Variants in NOVA1 observed in about 807,000 individuals in gnomAD.
The protein encoded by NOVA1 is RNA-binding protein Nova-1.
NOVA1 carries 7 observed loss-of-function variants against 38.0 expected under a neutral mutation model. The ratio of observed to expected loss-of-function variants is 0.18; its 90% CI spans 0.10 to 0.35. The LOEUF is 0.35. NOVA1 is among the 10% of genes least tolerant of loss of function. The probability of loss-of-function intolerance (pLI) is 1.00; values close to 1 mark genes in which losing one functional copy is unlikely to be tolerated. For synonymous variants in NOVA1, 270 were observed against 232.5 expected (o/e 1.16, Z -1.47); for missense variants, 460 against 616.0 (o/e 0.75, Z 2.68).
At chr14:26,559,246 T>C (rs917163703) in intron 2 of NOVA1, among the ~76,000 whole-genome samples, 2 of 152,196 alleles carry the variant, frequency 1.3e-5, no homozygotes, top group Admixed American at 1.3e-4. Context: ...TAGAAAAATA[T>C]AAAATATACT....
intron 2 of NOVA1, among the ~76,000 whole-genome samples, chr14:26,572,432 T>A (rs1331734538): frequency 2.0e-5 from 3 of 152,192 alleles, no homozygotes; most frequent in Non-Finnish European, 4.4e-5. Flanking sequence ...CACTGAGTTA[T>A]TTATCTACTC....
At chr14:26,550,289 A>AAAT (rs1164480779) in intron 2 of NOVA1, among the ~76,000 whole-genome samples, 26 of 152,170 alleles carry the variant, frequency 1.7e-4, no homozygotes, top group African/African-American at 6.3e-4. Flanking sequence ...AAGTACCATA[A>AAAT]AATATCTAAA....
chr14:26,531,564 G>A (rs371007173), intron 2 of NOVA1, among the ~76,000 whole-genome samples: 13 of 152,142 alleles, frequency 8.5e-5, no homozygotes, highest in East Asian at 1.9e-4. Flanking sequence ...CCGAGATCGC[G>A]CCATTGCACT....
At chr14:26,518,311 T>C (rs1474856890) in intron 2 of NOVA1, among the ~76,000 whole-genome samples, 1 of 152,028 alleles carries the variant, frequency 6.6e-6, no homozygotes, top group African/African-American at 2.4e-5. Context: ...TTTCTGTAGT[T>C]TAGTACACTT....
chr14:26,448,702 G>C lies in NOVA1; in HGVS notation c.781C>G (p.Pro261Ala). The change falls in exon 5 of 5, where the codon CCA (proline) becomes GCA (alanine). Residue 261 changes from proline to alanine, a missense_variant. Transcript: ENST00000539517. The surrounding 1 kb of genome is among the most constrained non-coding windows in gnomAD (Gnocchi z 5.3). The stretch of plus-strand genomic sequence containing the variant: ...CCGGTTGGATTGGAATTTGCCACTG[G>C]ACCTGTCACATTGGCATAACTGATA... ...LNISYANVTG[P>A]VANSNPTGSP... 1 of 1,614,160 alleles carries C rather than the reference G, an allele frequency of 6.2e-7. No individual in the cohort carries two copies. Among genetic ancestry groups the C allele is most frequent in the South Asian group, 1.1e-5 (1 of 91,074 alleles).
intron 2 of NOVA1, among the ~76,000 whole-genome samples, chr14:26,562,845 C>G (rs1891909244): frequency 6.6e-6 from 1 of 152,076 alleles, no homozygotes; most frequent in South Asian, 2.1e-4. Context: ...GGTATCTTGA[C>G]CCAGAAATGT....
intron 2 of NOVA1, among the ~76,000 whole-genome samples, chr14:26,501,000 T>C (rs1887207711): frequency 6.6e-6 from 1 of 151,976 alleles, no homozygotes; most frequent in Non-Finnish European, 1.5e-5. Context: ...ACAATAAACA[T>C]ATTTAGTTTT....
chr14:26,490,975 A>G (rs965531291), intron 2 of NOVA1, among the ~76,000 whole-genome samples: 6 of 148,690 alleles, frequency 4.0e-5, no homozygotes, highest in Non-Finnish European at 8.9e-5. Flanking sequence ...TCAGCCTCCC[A>G]AGTAGCTGGG....
intron 2 of NOVA1, among the ~76,000 whole-genome samples, chr14:26,480,408 T>C (rs1006815092): frequency 2.0e-5 from 3 of 152,150 alleles, no homozygotes; most frequent in Admixed American, 6.5e-5. Flanking sequence ...CACTGATTCA[T>C]TGACATAACA....
intron 2 of NOVA1, among the ~76,000 whole-genome samples, chr14:26,558,371 T>G (rs997501311): frequency 6.6e-6 from 1 of 152,128 alleles, no homozygotes; most frequent in African/African-American, 2.4e-5. Context: ...TAGTTAATAA[T>G]AAGTTGTTAA....
rs530410226 is a variant in NOVA1, at chr14:26,494,802, T to C, written c.281-14659A>G. On this transcript the variant is annotated intron_variant, in intron 2 of 4. Coordinates refer to ENST00000539517, the MANE Select transcript of NOVA1 (RefSeq NM_002515.3). ...GCTCTAAACATGTTCATTACAATGG[T>C]CTGCTAATTACTGTCCATCTTGGTT... 3.3e-5 allele frequency among the ~76,000 whole-genome samples: 5 copies of C among 152,296 alleles called. No homozygotes were observed. The South Asian group carries it at 1.0e-3, about 32-fold the overall frequency.
intron 2 of NOVA1, among the ~76,000 whole-genome samples, chr14:26,517,493 C>T (rs1310123632): frequency 6.6e-6 from 1 of 152,028 alleles, no homozygotes; most frequent in African/African-American, 2.4e-5. Context: ...TGTTTTATTT[C>T]AGGTACCTGA....
At chr14:26,494,650 C>T (rs1385067595) in intron 2 of NOVA1, among the ~76,000 whole-genome samples, 7 of 152,122 alleles carry the variant, frequency 4.6e-5, no homozygotes, top group African/African-American at 1.7e-4. Flanking sequence ...TTCTGTGTTG[C>T]TACTCTCTTC....
intron 2 of NOVA1, among the ~76,000 whole-genome samples, chr14:26,482,965 G>A (rs543462966): frequency 6.6e-6 from 1 of 152,220 alleles, no homozygotes; most frequent in African/African-American, 2.4e-5. Context: ...CAAAGTGCTA[G>A]GATTACAGGT....
chr14:26,566,033 T>C (rs1892117589), intron 2 of NOVA1, among the ~76,000 whole-genome samples: 1 of 152,070 alleles, frequency 6.6e-6, no homozygotes, highest in South Asian at 2.1e-4. Context: ...AAAATATAAT[T>C]TGGATACTAA....
At chr14:26,498,234 T>C (rs1886966873) in intron 2 of NOVA1, among the ~76,000 whole-genome samples, 1 of 151,700 alleles carries the variant, frequency 6.6e-6, no homozygotes, top group African/African-American at 2.4e-5. Context: ...TAATTTTTTT[T>C]TTTTTGTATT....
chr14:26,467,183 GAGA>G (rs1255383992), intron 4 of NOVA1, among the ~76,000 whole-genome samples: 1 of 152,184 alleles, frequency 6.6e-6, no homozygotes, highest in Non-Finnish European at 1.5e-5. Context: ...AAAGGATTCT[GAGA>G]AGAAGCAAAA....
rs890531461 is a variant in NOVA1, at chr14:26,443,496, A to G, written c.*4463T>C. 6.6e-6 allele frequency: 1 copy of G among 152,160 alleles called. No individual in the cohort carries two copies. Among genetic ancestry groups the G allele is most frequent in the African/African-American group, 2.4e-5 (1 of 41,402 alleles). 9.4% of individuals were successfully genotyped at this position (152,160 alleles called of 1,614,324 possible). Reference sequence around the variant, plus strand: ...GTGGAATGACATCCTGTCTAGTACTATACCTCAATATTTTTCAAAATTAAC... The same window carrying G: ...GTGGAATGACATCCTGTCTAGTACTGTACCTCAATATTTTTCAAAATTAAC... On this transcript the variant is annotated 3_prime_UTR_variant, in exon 5 of 5. Transcript: ENST00000539517.
intron 2 of NOVA1, among the ~76,000 whole-genome samples, chr14:26,575,959 A>C (rs1172589400): frequency 5.3e-5 from 8 of 152,042 alleles, no homozygotes; most frequent in Non-Finnish European, 1.0e-4. Flanking sequence ...ATTTTTATGG[A>C]GACTAAAATG....
Sources: allele counts gnomAD v4.1 joint callset (sites outside exome capture counted in the v4.1 genomes callset), GRCh38; gene constraint gnomAD v4.1.1; non-coding constraint Gnocchi (gnomAD v3.1); transcripts MANE v1.5; gene names NCBI Gene and HGNC (gene_info 2026-07-23, HGNC 2026-07-21).